Variants in TFR2 observed in about 807,000 individuals in gnomAD.
The protein encoded by TFR2 is transferrin receptor protein 2.
Under a neutral mutation model 91.9 loss-of-function variants are expected in TFR2, and 64 were observed. The observed-to-expected ratio is 0.70, with a 90% CI of 0.57 to 0.86. TFR2 has a LOEUF of 0.86. Ranked by LOEUF, TFR2 falls within the 40% of genes least tolerant of loss-of-function variation. The probability of loss-of-function intolerance (pLI) is 0.00; values close to 1 mark genes in which losing one functional copy is unlikely to be tolerated. For synonymous variants in TFR2, 454 were observed against 459.6 expected (o/e 0.99, Z 0.15); for missense variants, 950 against 1,080.5 (o/e 0.88, Z 1.69).
chr7:100,633,334 G>T lies in TFR2; in HGVS notation c.621C>A (p.His207Gln). ...YVGLQFPDPA[H>Q]PNTLHWVDEA... ...CATCGACCCAGTGCAGGGTGTTGGG[G>T]TGAGCCCTGGGGAGCGGGGCTGGTG... Residue 207 changes from histidine (H) to glutamine (Q), a missense_variant, in exon 5 of 18, where the codon CAC becomes CAA. Transcript: ENST00000223051. The T allele has an allele frequency of 6.2e-7, 1 of 1,613,292 alleles. No individual in the cohort carries two copies. Among genetic ancestry groups the T allele is most frequent in the Non-Finnish European group, 8.5e-7 (1 of 1,179,788 alleles).
At position 100,628,205 on chromosome 7, in the gene TFR2, G is replaced by A. The variant is rs373025420; in HGVS notation, c.1473+19C>T. ...ACCTCTCCCCAATGCCTAACGACCT[G>A]CCCGGGACCCCGTATCACCTCTAGC... is the stretch of plus-strand genomic sequence containing the variant. On this transcript the variant is annotated intron_variant, in intron 11 of 17. Coordinates refer to ENST00000223051, the MANE Select transcript of TFR2 (RefSeq NM_003227.4). 149 of 1,608,156 alleles carry A rather than the reference G, an allele frequency of 9.3e-5. No homozygotes were observed. The highest frequency in any genetic ancestry group is 1.2e-4 in the Non-Finnish European group (137 of 1,178,356).
Position 100,641,246 on chromosome 7 carries a change from G to A in TFR2, c.34-18C>T. 6.5e-7 allele frequency: 1 copy of A among 1,536,494 alleles called. No homozygotes were observed. The highest frequency in any genetic ancestry group is 8.8e-7 in the Non-Finnish European group (1 of 1,139,472). ...AGTTGTTGCTGTGCAGGCGAGGTGG[G>A]CATGAGATTGGGGCAAGAGGCCTGG... is the stretch of plus-strand genomic sequence containing the variant. On this transcript the variant is annotated intron_variant, in intron 1 of 17. Coordinates refer to ENST00000223051, the MANE Select transcript of TFR2 (RefSeq NM_003227.4).
chr7:100,627,570 G>A lies in TFR2; in HGVS notation c.1767+7C>T, dbSNP rs41295912. On this transcript the variant is annotated splice_region_variant and intron_variant, in intron 15 of 17. Transcript: ENST00000223051. ...GCTGTGTCTGGGGCAGGGGGAGGAC[G>A]TCTCACCTCCATAAAGGAGAACTCG... 11,764 of 1,614,130 alleles carry A rather than the reference G, an allele frequency of 7.3e-3. 72 individuals are homozygous for A. Among genetic ancestry groups the A allele is most frequent in the Middle Eastern group, 0.016 (98 of 6,062 alleles).
intron 17 of TFR2, 186 bp downstream of exon 17, chr7:100,626,577 C>T (rs1461595872): frequency 7.7e-6 from 11 of 1,419,682 alleles, no homozygotes; most frequent in Non-Finnish European, 9.2e-6. Context: ...ACTTTGATCG[C>T]TCGGGTCCTC....
At position 100,633,076 on chromosome 7, in the gene TFR2, G is replaced by C. The variant is rs776828897; in HGVS notation, c.774C>G (p.Asp258Glu). ...CTGGATCCACGCCCCTGGCCCGCAGGTCCTGCAGGTCTTCGGGCCGCCCGT... is the reference window on the plus strand; with the variant it reads ...CTGGATCCACGCCCCTGGCCCGCAGCTCCTGCAGGTCTTCGGGCCGCCCGT... Reference protein sequence around the residue: ...AHYGRPEDLQDLRARGVDPVG... With the variant: ...AHYGRPEDLQELRARGVDPVG... The change falls in exon 6 of 18, where the codon GAC becomes GAG. Residue 258 changes from aspartate to glutamate, a missense_variant. Transcript: ENST00000223051. 2.5e-6 allele frequency: 4 copies of C among 1,613,454 alleles called. No homozygotes were observed. Among genetic ancestry groups the C allele is most frequent in the African/African-American group, 1.3e-5 (1 of 74,938 alleles).
chr7:100,631,665 G>A, intron 8 of TFR2, 141 bp downstream of exon 8: 1 of 1,154,016 alleles, frequency 8.7e-7, no homozygotes, highest in Non-Finnish European at 1.2e-6. Context: ...TCCCAGGCTG[G>A]AGTGCAGTGG....
chr7:100,629,375 G>T lies in TFR2; in HGVS notation c.1271-3C>A, dbSNP rs1430371218. The T allele has an allele frequency of 5.0e-6, 8 of 1,613,770 alleles. No homozygotes were observed. In the South Asian group the frequency reaches 8.8e-5, roughly 18 times the overall value. On this transcript the variant is annotated splice_polypyrimidine_tract_variant and splice_region_variant and intron_variant, in intron 9 of 17. Transcript: ENST00000223051. Reference sequence around the variant, plus strand: ...GGCCCCGATGACAACGTAGTGATCTGGGGAGGGGATGTTTGGGACCCACTT... The same window carrying T: ...GGCCCCGATGACAACGTAGTGATCTTGGGAGGGGATGTTTGGGACCCACTT...
chr7:100,626,091 C>G (rs1803242743), intron 17 of TFR2, among the ~76,000 whole-genome samples: 1 of 152,144 alleles, frequency 6.6e-6, no homozygotes, highest in Admixed American at 6.6e-5. Flanking sequence ...GCCCTGCAGA[C>G]CTTTCCCCAT....
At position 100,627,321 on chromosome 7, in the gene TFR2, G is replaced by A. The variant is rs1324815806; in HGVS notation, c.1938C>T (p.Tyr646=). The change falls in exon 16 of 18, where the codon TAC becomes TAT. Residue 646 remains tyrosine (Y), a synonymous_variant. Coordinates refer to ENST00000223051, the MANE Select transcript of TFR2 (RefSeq NM_003227.4). ...CGATGTGCCTGAGGACGACGTCCCC[G>A]TAGCGGCCGAAGTCGAGGGGCAGCA... ...DRLLPLDFGR[Y]GDVVLRHIGN... 2.1e-5 allele frequency: 32 copies of A among 1,550,222 alleles called. No individual in the cohort carries two copies. The highest frequency in any genetic ancestry group is 2.0e-4 in the South Asian group (17 of 84,052).
intron 17 of TFR2, among the ~76,000 whole-genome samples, chr7:100,625,171 T>A (rs1197052514): frequency 1.3e-5 from 2 of 151,102 alleles, no homozygotes; most frequent in African/African-American, 4.9e-5. Context: ...GTGATTCTCC[T>A]GCCTCAGCCT....
chr7:100,630,203 T>TCTTCCTTCCTTCCTTC lies in TFR2; in HGVS notation c.1270+670_1270+685dup, dbSNP rs56033226. ...ATCTGATCTTTCTTTCATGCTTGAG[T>TCTTCCTTCCTTCCTTC]CTTCCTTCCTTCCTTCCTTCCTTCC... is the stretch of plus-strand genomic sequence containing the variant. On this transcript the variant is annotated intron_variant, in intron 9 of 17. Transcript: ENST00000223051. 4.0e-3 allele frequency among the ~76,000 whole-genome samples: 595 copies of TCTTCCTTCCTTCCTTC among 149,748 alleles called. 3 individuals carry two copies. Among genetic ancestry groups the TCTTCCTTCCTTCCTTC allele is most frequent in the Middle Eastern group, 6.9e-3 (2 of 290 alleles).
Position 100,620,609 on chromosome 7 carries a change from T to C in TFR2, c.*248A>G, listed in dbSNP as rs1050719011. ...CCCCAGAAAGGGGAAGGGGCTGTGA[T>C]TGAAGGGATGCTACTCTCTGATTAA... On this transcript the variant is annotated 3_prime_UTR_variant, in exon 18 of 18. Coordinates refer to ENST00000223051, the MANE Select transcript of TFR2 (RefSeq NM_003227.4). 4 of 494,866 alleles carry C rather than the reference T, an allele frequency of 8.1e-6. No individual in the cohort carries two copies. Among genetic ancestry groups the C allele is most frequent in the African/African-American group, 3.9e-5 (2 of 51,686 alleles). The allele number at this position is 494,866 out of a possible 1,614,324, so 30.7% of individuals were successfully genotyped here. A position where few individuals can be genotyped will look rare whatever the true frequency, so the allele number is the denominator to read the frequency against.
intron 3 of TFR2, 122 bp downstream of exon 3, chr7:100,640,564 G>T: frequency 8.8e-7 from 1 of 1,141,288 alleles, no homozygotes; most frequent in Non-Finnish European, 1.2e-6. Flanking sequence ...CAGGAAGGCA[G>T]ATGGGAGGAC....
chr7:100,626,436 T>G, intron 17 of TFR2: 1 of 1,193,638 alleles, frequency 8.4e-7, no homozygotes. Flanking sequence ...TCCAGAAGGG[T>G]CGAGGAGGCA....
At chr7:100,629,569 C>T (rs1165472755) in intron 9 of TFR2, among the ~76,000 whole-genome samples, 197 bp from the exon 10 acceptor site, 12 of 152,056 alleles carry the variant, frequency 7.9e-5, no homozygotes, top group Non-Finnish European at 1.8e-4. Context: ...TGCCTGAGGT[C>T]ATTCTGGACT....
intron 3 of TFR2, chr7:100,639,958 G>C (rs1175971804): frequency 6.6e-6 from 1 of 151,878 alleles, no homozygotes; most frequent in Non-Finnish European, 1.5e-5. Flanking sequence ...CTAATATTTT[G>C]TGTTTTTAGT....
At chr7:100,639,815 C>T (rs1229160650) in intron 3 of TFR2, 3 of 131,758 alleles carry the variant, frequency 2.3e-5, no homozygotes, top group East Asian at 2.2e-4. Flanking sequence ...GATGGAGTCT[C>T]GCTCTGTTGC....
At chr7:100,633,992 G>GCC (rs1306731563) in intron 3 of TFR2, among the ~76,000 whole-genome samples, 5 of 152,020 alleles carry the variant, frequency 3.3e-5, no homozygotes, top group African/African-American at 1.2e-4. Context: ...ACAGGCGCGA[G>GCC]CCGCAGTGCA....
intron 8 of TFR2, chr7:100,631,491 G>T (rs1161246979): frequency 9.2e-6 from 3 of 324,806 alleles, no homozygotes; most frequent in Non-Finnish European, 1.8e-5. Flanking sequence ...GGCGTGGTGG[G>T]GGGGCACCTG....
Sources: allele counts gnomAD v4.1 joint callset (sites outside exome capture counted in the v4.1 genomes callset), GRCh38; gene constraint gnomAD v4.1.1; transcripts MANE v1.5; gene names NCBI Gene and HGNC (gene_info 2026-07-23, HGNC 2026-07-21).